TNFAIP6: variants seen among roughly 807,000 people sequenced by gnomAD.
TNFAIP6 encodes TNF alpha induced protein 6, also known as tumor necrosis factor-inducible gene 6 protein.
TNFAIP6 carries 36 observed loss-of-function variants against 33.7 expected under a neutral mutation model. The observed-to-expected ratio is 1.07, with a 90% CI of 0.82 to 1.41. The LOEUF (loss-of-function observed/expected upper bound fraction) is 1.41. Ranked by LOEUF, TNFAIP6 falls within the 40% of genes most tolerant of loss-of-function variation. The pLI is 0.00. For synonymous variants in TNFAIP6, 113 were observed against 112.8 expected, an observed-to-expected ratio of 1.00 and a Z score of -0.01; for missense variants, 273 against 331.9, an observed-to-expected ratio of 0.82 and a Z score of 1.38.
At position 151,369,255 on chromosome 2, in the gene TNFAIP6, TA is replaced by T. The variant is rs1381498752; in HGVS notation, c.395-761del. On this transcript the variant is annotated intron_variant, in intron 3 of 5. Transcript: ENST00000243347. ...ACTTGTTATGTTATGCCTTAAAAGATAAAATAAAAATATTTTTAAAAGTACA... is the reference window on the plus strand; with the variant it reads ...ACTTGTTATGTTATGCCTTAAAAGATAAATAAAAATATTTTTAAAAGTACA... Among the ~76,000 whole-genome samples the T allele has an allele frequency of 5.3e-5, 8 of 152,310 alleles. No homozygotes were observed. The East Asian group carries it at 1.5e-3, about 29-fold the overall frequency.
chr2:151,358,604 T>G (rs146091000), intron 1 of TNFAIP6, among the ~76,000 whole-genome samples: 1 of 152,358 alleles, frequency 6.6e-6, no homozygotes, highest in African/African-American at 2.4e-5. Context: ...ATGCATAGAT[T>G]CTTGCATAGA....
At chr2:151,359,653 G>T (rs1451281613) in intron 1 of TNFAIP6, among the ~76,000 whole-genome samples, 1 of 152,184 alleles carries the variant, frequency 6.6e-6, no homozygotes, top group Non-Finnish European at 1.5e-5. Context: ...CTCCCAAAGT[G>T]CTGGGATTAT....
intron 5 of TNFAIP6, among the ~76,000 whole-genome samples, chr2:151,377,153 ATTTTCTTTTC>A (rs746527797): frequency 8.5e-5 from 12 of 141,124 alleles, no homozygotes; most frequent in South Asian, 4.5e-4. Context: ...CCCAATTTAC[ATTTTCTTTTC>A]TTTTCTTTTC....
chr2:151,367,710 G>A (rs1684737300), intron 3 of TNFAIP6, among the ~76,000 whole-genome samples: 1 of 152,058 alleles, frequency 6.6e-6, no homozygotes, highest in Admixed American at 6.6e-5. Context: ...AGAATCCTGG[G>A]AGATTTGTTT....
downstream of TNFAIP6, among the ~76,000 whole-genome samples, chr2:151,380,558 A>T (rs897526928): frequency 2.6e-5 from 4 of 152,356 alleles, no homozygotes; most frequent in African/African-American, 9.6e-5. Context: ...TTTTTAAAAT[A>T]GAATGAGTGT....
intron 5 of TNFAIP6, 110 bp downstream of exon 5, chr2:151,373,699 G>A (rs2152017720): frequency 4.5e-6 from 2 of 446,816 alleles, no homozygotes; most frequent in Non-Finnish European, 7.6e-6. Context: ...ACTTTTTAAA[G>A]TTGAAAGAAC....
At chr2:151,380,246 GC>G (rs1390777331), downstream of TNFAIP6, among the ~76,000 whole-genome samples, 1 of 151,670 alleles carries the variant, frequency 6.6e-6, no homozygotes, top group Admixed American at 6.6e-5. Flanking sequence ...ATTTTTCCAT[GC>G]CTTTTTTTCA....
In TNFAIP6 at chr2:151,380,044, A is replaced by G. The variant is rs1684986843; in HGVS notation, c.*511A>G. ...ATTGTTGCAATAAATATCCTTGAAC[A>G]CACATATTTGTGCACCTCTCTAATT... On this transcript the variant is annotated 3_prime_UTR_variant, in exon 6 of 6. Coordinates refer to ENST00000243347, the MANE Select transcript of TNFAIP6 (RefSeq NM_007115.4). 6.6e-6 allele frequency: 1 copy of G among 152,172 alleles called. No homozygotes were observed. The highest frequency in any genetic ancestry group is 6.5e-5 in the Admixed American group (1 of 15,268). The allele number at this position is 152,172 out of a possible 1,614,324, so 9.4% of individuals were successfully genotyped here.
intron 1 of TNFAIP6, among the ~76,000 whole-genome samples, chr2:151,362,006 C>T (rs1684631833): frequency 6.6e-6 from 1 of 152,150 alleles, no homozygotes; most frequent in African/African-American, 2.4e-5. Flanking sequence ...AAACAAAGAA[C>T]TATATTTCTA....
chr2:151,364,209 C>A, intron 2 of TNFAIP6, 129 bp downstream of exon 2: 2 of 1,192,518 alleles, frequency 1.7e-6, no homozygotes, highest in Non-Finnish European at 2.3e-6. Flanking sequence ...TAGGACATTT[C>A]TGCTCTCTGA....
At chr2:151,367,784 G>A (rs541840214) in intron 3 of TNFAIP6, among the ~76,000 whole-genome samples, 19 of 152,144 alleles carry the variant, frequency 1.2e-4, no homozygotes, top group African/African-American at 4.6e-4. Flanking sequence ...TATTTAGGAT[G>A]TGGTTAACTT....
intron 1 of TNFAIP6, 111 bp downstream of exon 1, chr2:151,357,871 A>C: frequency 2.4e-5 from 15 of 635,040 alleles, no homozygotes; most frequent in East Asian, 2.7e-5. Context: ...TGATGTTCTC[A>C]AAGAAAATGC....
At chr2:151,358,863 G>T (rs1684577921) in intron 1 of TNFAIP6, among the ~76,000 whole-genome samples, 1 of 152,098 alleles carries the variant, frequency 6.6e-6, no homozygotes, top group African/African-American at 2.4e-5. Flanking sequence ...GTAGAGGAAT[G>T]AGCCCATCTC....
intron 4 of TNFAIP6, among the ~76,000 whole-genome samples, chr2:151,371,555 A>AT (rs375634279): frequency 1.3e-5 from 2 of 150,710 alleles, no homozygotes; most frequent in African/African-American, 4.9e-5. Context: ...AAGGGAAAAT[A>AT]TTTTTTGTTT....
intron 2 of TNFAIP6, 143 bp downstream of exon 2, chr2:151,364,223 C>T: frequency 9.4e-7 from 1 of 1,068,322 alleles, no homozygotes; most frequent in South Asian, 1.7e-5. Flanking sequence ...TCTCTGACTT[C>T]TCCTATCCAT....
intron 2 of TNFAIP6, among the ~76,000 whole-genome samples, chr2:151,365,608 C>T (rs1684696159): frequency 6.6e-6 from 1 of 152,016 alleles, no homozygotes; most frequent in Admixed American, 6.6e-5. Flanking sequence ...CACCCCACTC[C>T]AGCCTGGGTG....
Position 151,379,271 on chromosome 2 carries a change from T to C in TNFAIP6, c.665-93T>C, listed in dbSNP as rs181657010. 1.2e-5 allele frequency: 14 copies of C among 1,176,450 alleles called. No homozygotes were observed. The Admixed American group carries it at 2.7e-4, about 23-fold the overall frequency. The allele number at this position is 1,176,450 out of a possible 1,614,324, so 72.9% of individuals were successfully genotyped here. On this transcript the variant is annotated intron_variant, in intron 5 of 5. Coordinates refer to ENST00000243347, the MANE Select transcript of TNFAIP6 (RefSeq NM_007115.4). ...TCTGGGAATCTTGTTCATGAATTCT[T>C]ATATTCTCCTATGAGAATGAAGAGT...
chr2:151,364,013 GGC>G lies in TNFAIP6; in HGVS notation c.167_168del (p.Ala56GlyfsTer3). On this transcript the variant is annotated frameshift_variant, in exon 2 of 6. Coordinates refer to ENST00000243347, the MANE Select transcript of TNFAIP6 (RefSeq NM_007115.4). LOFTEE classifies it high-confidence loss of function. The part of the protein sequence containing the change: ...KYKLTYAEAK[A>X]VCEFEGGHLA... The stretch of plus-strand genomic sequence containing the variant: ...ACAAGCTCACCTACGCAGAAGCTAA[GGC>G]GGTGTGTGAATTTGAAGGCGGCCAT... 1 of 1,614,148 alleles carries G rather than the reference GGC, an allele frequency of 6.2e-7. No homozygotes were observed. Among genetic ancestry groups the G allele is most frequent in the Admixed American group, 1.7e-5 (1 of 60,010 alleles).
At chr2:151,360,518 CTAT>C (rs1274205768) in intron 1 of TNFAIP6, among the ~76,000 whole-genome samples, 5 of 152,118 alleles carry the variant, frequency 3.3e-5, no homozygotes, top group African/African-American at 1.2e-4. Flanking sequence ...TAATAAATGA[CTAT>C]TGACTAGATA....
Sources: gnomAD v4.1 joint callset for allele counts (sites outside exome capture counted in the v4.1 genomes callset) on GRCh38, gnomAD v4.1.1 for gene constraint, MANE v1.5 for transcripts, NCBI Gene and HGNC (gene_info 2026-07-23, HGNC 2026-07-21) for gene names.